CUX2: variants seen among roughly 807,000 people sequenced by gnomAD.
The protein encoded by CUX2 is homeobox protein cut-like 2.
In CUX2, 40 loss-of-function variants were observed where a neutral mutation model predicts 144.8. That is an observed-to-expected ratio of 0.28 (90% CI 0.21 to 0.36). The LOEUF (loss-of-function observed/expected upper bound fraction) is 0.36, where lower values mean the gene tolerates loss of function less well. Among genes scored for constraint, CUX2 ranks in the 10% least tolerant of loss-of-function variants. The pLI, the probability that CUX2 is intolerant of heterozygous loss-of-function variation, is 1.00. For missense variants in CUX2, 1,615 were observed against 1,994.0 expected, an observed-to-expected ratio of 0.81 and a Z score of 3.62; for synonymous variants, 827 against 875.6, an observed-to-expected ratio of 0.94 and a Z score of 0.98.
chr12:111,084,421 C>T (rs1872078220), intron 1 of CUX2, among the ~76,000 whole-genome samples: 1 of 152,048 alleles, frequency 6.6e-6, no homozygotes, highest in African/African-American at 2.4e-5. Flanking sequence ...CAGTGCACCG[C>T]TGGAGAAAGC....
chr12:111,090,568 G>C (rs113410751), intron 1 of CUX2, among the ~76,000 whole-genome samples: 2 of 152,092 alleles, frequency 1.3e-5, no homozygotes, highest in South Asian at 2.1e-4. Context: ...CCCGGCCTGC[G>C]ATCCCTTTAC....
At chr12:111,326,451 G>T (rs1322536480) in intron 18 of CUX2, among the ~76,000 whole-genome samples, 2 of 151,178 alleles carry the variant, frequency 1.3e-5, no homozygotes, top group African/African-American at 4.9e-5. Context: ...GTCTTGTGGT[G>T]GGGTAGGGGT....
Position 111,338,195 on chromosome 12 carries a change from C to G in CUX2, c.3197-91C>G, listed in dbSNP as rs563408912. 1,262 of 1,363,290 alleles carry G rather than the reference C, an allele frequency of 9.3e-4. 21 individuals are homozygous for G. In the South Asian group the frequency reaches 0.017, roughly 18 times the overall value. 84.4% of individuals were successfully genotyped at this position (1,363,290 alleles called of 1,614,324 possible). A position where few individuals can be genotyped will look rare whatever the true frequency, so the allele number is the denominator to read the frequency against. On this transcript the variant is annotated intron_variant, in intron 19 of 21. Transcript: ENST00000261726. ...AGTGGAGATAGCCTCGAGGCTCTCC[C>G]CTGTGTCTCTGGCCTATTCCATGTC...
chr12:111,085,702 G>A (rs534592060), intron 1 of CUX2, among the ~76,000 whole-genome samples: 126 of 152,262 alleles, frequency 8.3e-4, no homozygotes, highest in South Asian at 1.5e-3. Flanking sequence ...CACATCTTTC[G>A]CCTTTATTCT....
At chr12:111,067,956 C>G (rs1351718531) in intron 1 of CUX2, among the ~76,000 whole-genome samples, 1 of 152,136 alleles carries the variant, frequency 6.6e-6, no homozygotes, top group African/African-American at 2.4e-5. Flanking sequence ...GGAATAGTTC[C>G]ACCCCCTGCC....
At chr12:111,245,708 T>G (rs1222924967) in intron 3 of CUX2, among the ~76,000 whole-genome samples, 2 of 152,096 alleles carry the variant, frequency 1.3e-5, no homozygotes, top group Non-Finnish European at 2.9e-5. Flanking sequence ...TCTCTGCGTT[T>G]TGTGTCAGGT....
chr12:111,174,137 G>A (rs371937422), intron 1 of CUX2, among the ~76,000 whole-genome samples: 76 of 152,316 alleles, frequency 5.0e-4, no homozygotes, highest in African/African-American at 1.6e-3. Flanking sequence ...TGGGGAGTCC[G>A]GGGAGGTTTT....
intron 3 of CUX2, among the ~76,000 whole-genome samples, chr12:111,238,611 C>T (rs2136255043): frequency 6.6e-6 from 1 of 152,294 alleles, no homozygotes; most frequent in Non-Finnish European, 1.5e-5. Context: ...AGTCCTTGCC[C>T]TTAACTATTA....
chr12:111,107,394 C>T lies in CUX2; in HGVS notation c.63+73154C>T, dbSNP rs148425066. Among the ~76,000 whole-genome samples the T allele has an allele frequency of 1.1e-3, 171 of 152,362 alleles. 1 individual carries two copies. The highest frequency in any genetic ancestry group is 3.5e-3 in the African/African-American group (146 of 41,566). ...GTGCATCCATTCTTCTTCAGGATTT[C>T]CTGCCTCATCTAATCAGGCAAAGAT... On this transcript the variant is annotated intron_variant, in intron 1 of 21. Transcript: ENST00000261726.
intron 4 of CUX2, among the ~76,000 whole-genome samples, chr12:111,265,531 C>G (rs1026341563): frequency 3.3e-5 from 5 of 151,696 alleles, no homozygotes; most frequent in Non-Finnish European, 7.4e-5. Context: ...TTAGTAGAGA[C>G]AGGGTTGCCC....
Position 111,347,724 on chromosome 12 carries a change from C to G in CUX2, c.3860C>G (p.Pro1287Arg), listed in dbSNP as rs375034259. 1.8e-5 allele frequency: 29 copies of G among 1,613,802 alleles called. No individual in the cohort carries two copies. The African/African-American group carries it at 3.9e-4, about 22-fold the overall frequency. Residue 1287 changes from proline to arginine, a missense_variant, in exon 22 of 22, where the codon CCC becomes CGC. Physicochemically the swap from Pro to Arg is moderately radical, Grantham distance 103. Coordinates refer to ENST00000261726, the MANE Select transcript of CUX2 (RefSeq NM_015267.4). Reference sequence around the variant, plus strand: ...GAGGGCCCTGAGGAGAACAGCACACCCCTGACCACCCAGGACAAGGCCCAA... The same window carrying G: ...GAGGGCCCTGAGGAGAACAGCACACGCCTGACCACCCAGGACAAGGCCCAA... ...LQEGPEENST[P>R]LTTQDKAQVR...
chr12:111,108,855 G>T (rs1445983942), intron 1 of CUX2, among the ~76,000 whole-genome samples: 1 of 152,060 alleles, frequency 6.6e-6, no homozygotes, highest in East Asian at 1.9e-4. Flanking sequence ...CATCTTCATG[G>T]TGTCATTTAA....
At chr12:111,347,436 G>A (rs1888851836) in intron 21 of CUX2, 88 bp from the exon 22 acceptor site, 1 of 1,303,172 alleles carries the variant, frequency 7.7e-7, no homozygotes, top group Admixed American at 2.3e-5. Flanking sequence ...AGGGCAGTGG[G>A]TGGGACCAAA....
At chr12:111,121,226 A>G (rs574597185) in intron 1 of CUX2, among the ~76,000 whole-genome samples, 3 of 151,806 alleles carry the variant, frequency 2.0e-5, no homozygotes, top group African/African-American at 7.2e-5. Flanking sequence ...TAACCTTTCT[A>G]TGTCACCCAG....
rs1870761408 is a variant in CUX2 at position 111,061,211 on chromosome 12, CACACAG to C, written c.63+26972_63+26977del. Among the ~76,000 whole-genome samples the C allele has an allele frequency of 6.6e-6, 1 of 150,540 alleles. No homozygotes were observed. The highest frequency in any genetic ancestry group is 2.1e-4 in the South Asian group (1 of 4,800). Reference sequence around the variant, plus strand: ...ACACACACACACACACACACACACACACACAGCAAGGAGGATGCCTGGCTTTCTGAG... The same window carrying C: ...ACACACACACACACACACACACACACCAAGGAGGATGCCTGGCTTTCTGAG... On this transcript the variant is annotated intron_variant, in intron 1 of 21. Transcript: ENST00000261726. The surrounding 1 kb of genome is among the most constrained non-coding windows in gnomAD (Gnocchi z 4.2).
At chr12:111,152,413 C>T (rs1877108119) in intron 1 of CUX2, among the ~76,000 whole-genome samples, 1 of 152,224 alleles carries the variant, frequency 6.6e-6, no homozygotes, top group East Asian at 1.9e-4. Flanking sequence ...TCAGGGCAAA[C>T]TGGAGCGCCT....
At chr12:111,207,619 A>T (rs1880990056) in intron 1 of CUX2, among the ~76,000 whole-genome samples, 1 of 152,170 alleles carries the variant, frequency 6.6e-6, no homozygotes, top group Non-Finnish European at 1.5e-5. Flanking sequence ...TGGAATCTCG[A>T]CCATCACTTC....
chr12:111,155,798 C>A (rs961551582), intron 1 of CUX2, among the ~76,000 whole-genome samples: 1 of 151,928 alleles, frequency 6.6e-6, no homozygotes, highest in East Asian at 1.9e-4. Flanking sequence ...ACCGAATTAG[C>A]GTTTGGTATT....
intron 1 of CUX2, among the ~76,000 whole-genome samples, chr12:111,041,671 A>G (rs1252969002): frequency 6.6e-6 from 1 of 152,220 alleles, no homozygotes; most frequent in Non-Finnish European, 1.5e-5. Flanking sequence ...GGCAGGTCCA[A>G]TGGAGAAGGG....
Sources: gnomAD v4.1 joint callset for allele counts (sites outside exome capture counted in the v4.1 genomes callset) on GRCh38, gnomAD v4.1.1 for gene constraint, Gnocchi (gnomAD v3.1) non-coding constraint, MANE v1.5 for transcripts, NCBI Gene and HGNC (gene_info 2026-07-23, HGNC 2026-07-21) for gene names.